NUMB: variants seen among roughly 807,000 people sequenced by gnomAD.
NUMB encodes protein numb homolog.
Under a neutral mutation model 59.7 loss-of-function variants are expected in NUMB, and 29 were observed. That is an observed-to-expected ratio of 0.49 (90% CI 0.36 to 0.66). NUMB has a LOEUF of 0.66. NUMB is among the 30% of genes least tolerant of loss of function. NUMB has a pLI of 0.00. For missense variants in NUMB, 723 were observed against 822.0 expected (o/e 0.88, Z 1.47); for synonymous variants, 288 against 288.2 (o/e 1.00, Z 0.01).
intron 1 of NUMB, among the ~76,000 whole-genome samples, chr14:73,420,444 ATTT>A (rs953591643): frequency 6.6e-6 from 1 of 151,236 alleles, no homozygotes; most frequent in East Asian, 1.9e-4. Context: ...ATTGATTCAC[ATTT>A]TTTTTTCAAC....
intron 4 of NUMB, among the ~76,000 whole-genome samples, chr14:73,349,401 A>C (rs1893081988): frequency 6.6e-6 from 1 of 152,102 alleles, no homozygotes; most frequent in Admixed American, 6.6e-5. Context: ...CAGCCTGGCC[A>C]ACATGGTGAA....
In NUMB at chr14:73,343,501, C is replaced by G. The variant is rs574797001; in HGVS notation, c.126+12125G>C. Among the ~76,000 whole-genome samples the G allele has an allele frequency of 8.7e-4, 132 of 152,314 alleles. 1 individual carries two copies. The highest frequency in any genetic ancestry group is 1.2e-4 in the Non-Finnish European group (8 of 68,010). The stretch of plus-strand genomic sequence containing the variant: ...TTCCCCGCTGGAAGAACCTACCTCC[C>G]TTGATGGTACAGGCTGAAAATACAA... On this transcript the variant is annotated intron_variant, in intron 4 of 12. Coordinates refer to ENST00000555238, the MANE Select transcript of NUMB (RefSeq NM_001005743.2).
intron 3 of NUMB, among the ~76,000 whole-genome samples, chr14:73,358,246 C>A (rs1464742696): frequency 6.6e-6 from 1 of 152,178 alleles, no homozygotes; most frequent in Non-Finnish European, 1.5e-5. Flanking sequence ...GTATTTTAGT[C>A]TCTTTACCTT....
In NUMB at chr14:73,365,307, C is replaced by T. The variant is rs578103599; in HGVS notation, c.-16+1590G>A. 3.3e-5 allele frequency among the ~76,000 whole-genome samples: 5 copies of T among 152,224 alleles called. No individual in the cohort carries two copies. The South Asian group carries it at 1.0e-3, about 32-fold the overall frequency. On this transcript the variant is annotated intron_variant, in intron 3 of 12. Transcript: ENST00000555238. ...CTGCCCATCTCAGCCTCCCAAAGTG[C>T]TAAGATTACAGGCGTGAGCCATCAT...
chr14:73,285,841 G>A (rs1258109334), intron 9 of NUMB, among the ~76,000 whole-genome samples: 5 of 151,350 alleles, frequency 3.3e-5, no homozygotes, highest in East Asian at 3.9e-4. Context: ...CAGGAGAATC[G>A]CTTGAGCCCA....
At chr14:73,341,855 A>G (rs1892647869) in intron 4 of NUMB, among the ~76,000 whole-genome samples, 1 of 152,214 alleles carries the variant, frequency 6.6e-6, no homozygotes, top group Non-Finnish European at 1.5e-5. Context: ...GTACTTAGGG[A>G]GAGAACCCTC....
At chr14:73,319,582 A>G (rs1891287026) in intron 5 of NUMB, among the ~76,000 whole-genome samples, 1 of 152,220 alleles carries the variant, frequency 6.6e-6, no homozygotes, top group Non-Finnish European at 1.5e-5. Flanking sequence ...AAACAAACAA[A>G]AAGTCTCCAG....
intron 1 of NUMB, among the ~76,000 whole-genome samples, chr14:73,441,450 T>C (rs547935963): frequency 2.4e-4 from 37 of 152,030 alleles, no homozygotes; most frequent in African/African-American, 8.9e-4. Flanking sequence ...GGCAGGAGAA[T>C]AGCTTGAACC....
chr14:73,454,065 G>A (rs1219698148), intron 1 of NUMB, among the ~76,000 whole-genome samples: 2 of 149,986 alleles, frequency 1.3e-5, no homozygotes, highest in Non-Finnish European at 2.9e-5. Flanking sequence ...AAAAAGTTGG[G>A]CGGGGGGGGA....
At position 73,404,630 on chromosome 14, in the gene NUMB, A is replaced by G. The variant is rs867275013; in HGVS notation, c.-101+5307T>C. ...CTTACAACATTCTTGTACATTTGAA[A>G]TATTTCATAATAAAAAGTTGGTGTT... On this transcript the variant is annotated intron_variant, in intron 2 of 12. Coordinates refer to ENST00000555238, the MANE Select transcript of NUMB (RefSeq NM_001005743.2). Among the ~76,000 whole-genome samples the G allele has an allele frequency of 2.6e-5, 4 of 152,346 alleles. No individual in the cohort carries two copies. In the South Asian group the frequency reaches 8.3e-4, roughly 32 times the overall value.
chr14:73,449,371 T>C (rs1434892916), intron 1 of NUMB, among the ~76,000 whole-genome samples: 2 of 152,180 alleles, frequency 1.3e-5, no homozygotes, highest in African/African-American at 4.8e-5. Flanking sequence ...CCCATATATG[T>C]TATATAATCT....
chr14:73,436,345 C>T (rs1159179892), intron 1 of NUMB, among the ~76,000 whole-genome samples: 3 of 152,032 alleles, frequency 2.0e-5, no homozygotes, highest in African/African-American at 7.2e-5. Context: ...TTGACGGAGT[C>T]CCACTCTGTC....
In NUMB at chr14:73,287,322, A is replaced by G; in HGVS notation, c.451-8T>C. 1 of 1,601,614 alleles carries G rather than the reference A, an allele frequency of 6.2e-7. No individual in the cohort carries two copies. The highest frequency in any genetic ancestry group is 8.5e-7 in the Non-Finnish European group (1 of 1,172,138). On this transcript the variant is annotated splice_polypyrimidine_tract_variant and splice_region_variant and intron_variant, in intron 8 of 12. Coordinates refer to ENST00000555238, the MANE Select transcript of NUMB (RefSeq NM_001005743.2). Reference sequence around the variant, plus strand: ...ATGGCTCAACCTTTCACCCTGTAAGAGCAGATTTTAAAAGCTTTTCAGAAT... The same window carrying G: ...ATGGCTCAACCTTTCACCCTGTAAGGGCAGATTTTAAAAGCTTTTCAGAAT...
chr14:73,349,115 T>C (rs1431928856), intron 4 of NUMB, among the ~76,000 whole-genome samples: 1 of 152,224 alleles, frequency 6.6e-6, no homozygotes, highest in African/African-American at 2.4e-5. Context: ...ACTATATACA[T>C]AGTTCTGCAG....
intron 1 of NUMB, among the ~76,000 whole-genome samples, chr14:73,437,287 C>T (rs765890240): frequency 2.6e-5 from 4 of 152,076 alleles, no homozygotes; most frequent in Non-Finnish European, 4.4e-5. Flanking sequence ...CTCAGGCAAT[C>T]CAGCCTCCCA....
At chr14:73,457,813 G>GCTC (rs199510825) in intron 1 of NUMB, 2,081 of 152,622 alleles carry the variant, frequency 0.014, 22 homozygotes, top group Middle Eastern at 0.024. Context: ...AAGACCTGCT[G>GCTC]CTCCTCATCT....
Position 73,297,490 on chromosome 14 carries a change from G to A in NUMB, c.235-205C>T, listed in dbSNP as rs1889859104. 3.6e-5 allele frequency: 15 copies of A among 419,260 alleles called. 2 individuals carry two copies. In the South Asian group the frequency reaches 7.0e-4, roughly 20 times the overall value. The allele number at this position is 419,260 out of a possible 1,614,324, so 26.0% of individuals were successfully genotyped here. On this transcript the variant is annotated intron_variant, in intron 6 of 12. Coordinates refer to ENST00000555238, the MANE Select transcript of NUMB (RefSeq NM_001005743.2). The stretch of plus-strand genomic sequence containing the variant: ...AAAACAAGCCAAAGCCATTATTTTA[G>A]AAACACAACGCAAAACAATAAGATA...
chr14:73,351,467 A>G (rs2140004106), intron 4 of NUMB, among the ~76,000 whole-genome samples: 1 of 152,052 alleles, frequency 6.6e-6, no homozygotes, highest in African/African-American at 2.4e-5. Context: ...CAGCCTGGCA[A>G]CAGAGCAAGA....
At chr14:73,434,077 T>C (rs376190019) in intron 1 of NUMB, among the ~76,000 whole-genome samples, 6 of 151,960 alleles carry the variant, frequency 3.9e-5, no homozygotes, top group East Asian at 1.9e-4. Context: ...CTGGGTGACA[T>C]AGGGAGACTC....
Sources: allele counts gnomAD v4.1 joint callset (sites outside exome capture counted in the v4.1 genomes callset), GRCh38; gene constraint gnomAD v4.1.1; transcripts MANE v1.5; gene names NCBI Gene and HGNC (gene_info 2026-07-23, HGNC 2026-07-21).